The following SLC38A4 variants were observed in gnomAD, a reference collection of about 807,000 sequenced individuals.
SLC38A4 encodes the protein sodium-coupled neutral amino acid transporter 4.
A neutral mutation model predicts 63.1 loss-of-function variants in SLC38A4; 20 were observed. The observed-to-expected ratio is 0.32, with a 90% CI of 0.22 to 0.46. The LOEUF (loss-of-function observed/expected upper bound fraction) is 0.46. Ranked by LOEUF, SLC38A4 falls within the 20% of genes least tolerant of loss-of-function variation. The pLI is 1.00. For synonymous variants in SLC38A4, 230 were observed against 225.5 expected (o/e 1.02, Z -0.18); for missense variants, 526 against 663.6 (o/e 0.79, Z 2.28).
intron 2 of SLC38A4, among the ~76,000 whole-genome samples, chr12:46,800,365 T>C (rs1028860390): frequency 2.0e-4 from 30 of 152,106 alleles, no homozygotes; most frequent in African/African-American, 6.8e-4. Flanking sequence ...TCTATATACT[T>C]TGACCCAGAC....
At chr12:46,829,843 A>T (rs974943610), upstream of SLC38A4, among the ~76,000 whole-genome samples, 1 of 152,244 alleles carries the variant, frequency 6.6e-6, no homozygotes, top group Non-Finnish European at 1.5e-5. Context: ...ATGCCCAAGT[A>T]GAACTTCCAA....
chr12:46,778,151 G>A (rs552690848), intron 12 of SLC38A4, 138 bp downstream of exon 12: 26 of 740,150 alleles, frequency 3.5e-5, no homozygotes, highest in African/African-American at 3.4e-4. Context: ...TCTGATTAAA[G>A]CATGTTACTG....
At chr12:46,783,587 T>C (rs1239551743) in intron 7 of SLC38A4, among the ~76,000 whole-genome samples, 1 of 151,954 alleles carries the variant, frequency 6.6e-6, no homozygotes, top group African/African-American at 2.4e-5. Context: ...GAGGAGAGGT[T>C]CAAGAGATAA....
At position 46,776,919 on chromosome 12, in the gene SLC38A4, A is replaced by T. The variant is rs776159143; in HGVS notation, c.1159T>A (p.Tyr387Asn). The change falls in exon 13 of 17, where the codon TAC becomes AAC. Residue 387 changes from tyrosine (Y) to asparagine (N), a missense_variant. By Grantham distance (143) the Tyr-to-Asn change is moderately radical (BLOSUM62 -2). Coordinates refer to ENST00000266579, the MANE Select transcript of SLC38A4 (RefSeq NM_018018.5). The part of the protein sequence containing the change: ...VMYLLAALFG[Y>N]LTFYGEVEDE... The stretch of plus-strand genomic sequence containing the variant: ...AGTGACCTACCATAGAAGGTTAGGT[A>T]ACCAAAGAGGGCGGCAAGCAGGTAC... 1 of 1,612,076 alleles carries T rather than the reference A, an allele frequency of 6.2e-7. No individual in the cohort carries two copies. The highest frequency in any genetic ancestry group is 8.5e-7 in the Non-Finnish European group (1 of 1,178,682).
At chr12:46,793,445 C>A (rs1938933167) in intron 2 of SLC38A4, among the ~76,000 whole-genome samples, 1 of 151,884 alleles carries the variant, frequency 6.6e-6, no homozygotes, top group African/African-American at 2.4e-5. Flanking sequence ...GCAGGTTTTA[C>A]TAGTCACTAT....
At chr12:46,797,728 C>T (rs1298835067) in intron 2 of SLC38A4, among the ~76,000 whole-genome samples, 1 of 152,166 alleles carries the variant, frequency 6.6e-6, no homozygotes. Flanking sequence ...CCTCAAGTTA[C>T]ATCAGCCTAG....
At chr12:46,792,846 C>G (rs909762041) in intron 3 of SLC38A4, 107 bp downstream of exon 3, 1 of 773,874 alleles carries the variant, frequency 1.3e-6, no homozygotes, top group African/African-American at 1.7e-5. Context: ...TCATTGTTAT[C>G]ACAAATTTAC....
chr12:46,815,258 T>G (rs867909741), intron 1 of SLC38A4, among the ~76,000 whole-genome samples: 1 of 45,342 alleles, frequency 2.2e-5, no homozygotes, highest in Non-Finnish European at 6.0e-5. Flanking sequence ...TATATATATA[T>G]ATATATATAT....
rs149728809 is a variant in SLC38A4 at position 46,792,966 on chromosome 12, C to A, written c.106G>T (p.Ala36Ser). ...SYIGIGNSEK[A>S]AMSSQFANED... ...TTAACCCCATACCTGCTCATTGCTG[C>A]CTTTTCTGAATTTCCTATCCCGATG... Residue 36 changes from alanine (A) to serine (S), a missense_variant, in exon 3 of 17, where the codon GCA (alanine) becomes TCA (serine). Transcript: ENST00000266579. 1.7e-5 allele frequency: 27 copies of A among 1,612,664 alleles called. No individual in the cohort carries two copies. The East Asian group carries it at 3.1e-4, about 19-fold the overall frequency.
At chr12:46,830,655 G>T (rs2120946060), upstream of SLC38A4, among the ~76,000 whole-genome samples, 1 of 152,206 alleles carries the variant, frequency 6.6e-6, no homozygotes, top group South Asian at 2.1e-4. Context: ...GCCCCCGTCC[G>T]CACAACTAAG....
At chr12:46,814,707 A>G (rs1432842228) in intron 1 of SLC38A4, among the ~76,000 whole-genome samples, 1 of 151,944 alleles carries the variant, frequency 6.6e-6, no homozygotes, top group Non-Finnish European at 1.5e-5. Context: ...GAATCAGTGC[A>G]TGGATTAGCT....
At chr12:46,830,298 TCACACA>T (rs10597523), upstream of SLC38A4, among the ~76,000 whole-genome samples, 2,673 of 148,304 alleles carry the variant, frequency 0.018, 61 homozygotes, top group African/African-American at 0.05. Context: ...TCTCTCTCTC[TCACACA>T]CACACACACA....
chr12:46,803,067 T>C (rs573150442), intron 2 of SLC38A4, among the ~76,000 whole-genome samples: 1 of 152,168 alleles, frequency 6.6e-6, no homozygotes, highest in East Asian at 1.9e-4. Flanking sequence ...ACACAACATT[T>C]TTTCTTTTTC....
chr12:46,824,935 T>C (rs1939617229), intron 1 of SLC38A4, among the ~76,000 whole-genome samples: 1 of 152,250 alleles, frequency 6.6e-6, no homozygotes, highest in South Asian at 2.1e-4. Context: ...TTTAATATTA[T>C]ACTAAAGTGT....
At chr12:46,811,940 C>T (rs1939347190) in intron 1 of SLC38A4, among the ~76,000 whole-genome samples, 1 of 151,916 alleles carries the variant, frequency 6.6e-6, no homozygotes, top group African/African-American at 2.4e-5. Context: ...CCTGACTCTT[C>T]CTTCCTAGAT....
rs563123190 is a variant in SLC38A4, at chr12:46,789,901, A to ACTT, written c.120-1286_120-1284dup. Among the ~76,000 whole-genome samples the ACTT allele has an allele frequency of 1.0e-3, 157 of 152,164 alleles. 1 individual carries two copies. The highest frequency in any genetic ancestry group is 1.5e-3 in the Non-Finnish European group (104 of 67,984). On this transcript the variant is annotated intron_variant, in intron 3 of 16. Transcript: ENST00000266579. Reference sequence around the variant, plus strand: ...AGACCAGCCTGGCCAACATGGTGAAACTTCGTCTCTACTAGAAATACAAAA... The same window carrying ACTT: ...AGACCAGCCTGGCCAACATGGTGAAACTTCTTCGTCTCTACTAGAAATACAAAA...
intron 14 of SLC38A4, among the ~76,000 whole-genome samples, chr12:46,771,528 GA>G (rs1244442918): frequency 6.6e-6 from 1 of 152,046 alleles, no homozygotes; most frequent in Non-Finnish European, 1.5e-5. Flanking sequence ...TGAGATCACA[GA>G]AAGTTTATGG....
chr12:46,792,901 T>C, intron 3 of SLC38A4, 52 bp downstream of exon 3: 6 of 1,339,882 alleles, frequency 4.5e-6, no homozygotes, highest in Non-Finnish European at 6.4e-6. Context: ...GTTTTCCATG[T>C]CCACATCCTG....
Position 46,793,129 on chromosome 12 carries a change from T to C in SLC38A4, c.-58A>G. The stretch of plus-strand genomic sequence containing the variant: ...AGCCCCTTCAGTGTAAATAATATAC[T>C]GTACCTTCAGCTTAAGGTTCTTCCA... On this transcript the variant is annotated 5_prime_UTR_variant, in exon 3 of 17. Coordinates refer to ENST00000266579, the MANE Select transcript of SLC38A4 (RefSeq NM_018018.5). 4 of 1,228,662 alleles carry C rather than the reference T, an allele frequency of 3.3e-6. No homozygotes were observed. The highest frequency in any genetic ancestry group is 4.8e-6 in the Non-Finnish European group (4 of 834,186). 76.1% of individuals were successfully genotyped at this position (1,228,662 alleles called of 1,614,324 possible). A position where few individuals can be genotyped will look rare whatever the true frequency, so the allele number is the denominator to read the frequency against.
Sources: gnomAD v4.1 joint callset for allele counts (sites outside exome capture counted in the v4.1 genomes callset) on GRCh38, gnomAD v4.1.1 for gene constraint, MANE v1.5 for transcripts, NCBI Gene and HGNC (gene_info 2026-07-23, HGNC 2026-07-21) for gene names.